EFCAB6: variants seen among roughly 807,000 people sequenced by gnomAD.
The protein encoded by EFCAB6 is EF-hand calcium binding domain 6.
EFCAB6 carries 156 observed loss-of-function variants against 169.8 expected under a neutral mutation model. The observed-to-expected ratio is 0.92, with a 90% CI of 0.81 to 1.05. The LOEUF (loss-of-function observed/expected upper bound fraction) is 1.05. Ranked by LOEUF, EFCAB6 falls within the 50% of genes least tolerant of loss-of-function variation. EFCAB6 has a pLI of 0.00. For missense variants in EFCAB6, 1,800 were observed against 1,829.1 expected (o/e 0.98, Z 0.29); for synonymous variants, 698 against 676.4 (o/e 1.03, Z -0.50).
chr22:43,768,666 T>C (rs2147947855), intron 4 of EFCAB6, among the ~76,000 whole-genome samples: 1 of 152,338 alleles, frequency 6.6e-6, no homozygotes, highest in East Asian at 1.9e-4. Context: ...TCAAGACCTG[T>C]TTTTTAAAAA....
At chr22:43,635,553 C>A (rs900941897) in intron 17 of EFCAB6, among the ~76,000 whole-genome samples, 1 of 152,154 alleles carries the variant, frequency 6.6e-6, no homozygotes, top group Non-Finnish European at 1.5e-5. Context: ...GAGTCTCATA[C>A]ATTAGGTTTA....
At position 43,755,626 on chromosome 22, in the gene EFCAB6, A is replaced by C. The variant is rs552753971; in HGVS notation, c.507+140T>G. 1.5e-4 allele frequency: 111 copies of C among 743,462 alleles called. 2 individuals carry two copies. In the South Asian group the frequency reaches 2.5e-3, roughly 17 times the overall value. 46.1% of individuals were successfully genotyped at this position (743,462 alleles called of 1,614,324 possible). A position where few individuals can be genotyped will look rare whatever the true frequency, so the allele number is the denominator to read the frequency against. Reference sequence around the variant, plus strand: ...GCTTTCGCACTGGCTTGTTATCAGAAGATCTATTTAGTCAGACAACTATGA... The same window carrying C: ...GCTTTCGCACTGGCTTGTTATCAGACGATCTATTTAGTCAGACAACTATGA... On this transcript the variant is annotated intron_variant, in intron 6 of 31. Coordinates refer to ENST00000262726, the MANE Select transcript of EFCAB6 (RefSeq NM_022785.4).
chr22:43,716,994 G>T, intron 8 of EFCAB6, 22 bp from the exon 9 acceptor site: 3 of 1,465,332 alleles, frequency 2.0e-6, no homozygotes, highest in South Asian at 1.6e-5. Context: ...AAATAGCTTC[G>T]GCTTATCAAC....
Position 43,731,814 on chromosome 22 carries a change from A to C in EFCAB6, c.645-3T>G. 1 of 1,551,832 alleles carries C rather than the reference A, an allele frequency of 6.4e-7. No individual in the cohort carries two copies. The highest frequency in any genetic ancestry group is 1.4e-5 in the African/African-American group (1 of 72,262). On this transcript the variant is annotated splice_polypyrimidine_tract_variant and splice_region_variant and intron_variant, in intron 7 of 31. Transcript: ENST00000262726. The stretch of plus-strand genomic sequence containing the variant: ...GGATGTTGTAGTGTTTCGAAAACCT[A>C]AAATACAAATGTTCTTTAGTAATGA...
chr22:43,670,901 T>C (rs1402702366), intron 15 of EFCAB6, among the ~76,000 whole-genome samples: 1 of 152,214 alleles, frequency 6.6e-6, no homozygotes, highest in African/African-American at 2.4e-5. Flanking sequence ...CAACAAACAC[T>C]GGCTGAGACC....
intron 26 of EFCAB6, among the ~76,000 whole-genome samples, chr22:43,556,662 C>T (rs1251636879): frequency 1.3e-5 from 2 of 152,168 alleles, no homozygotes; most frequent in Non-Finnish European, 2.9e-5. Flanking sequence ...GAGAAGTCTA[C>T]ATAATGTATA....
chr22:43,551,600 T>C (rs935345001), intron 27 of EFCAB6, among the ~76,000 whole-genome samples: 1 of 152,132 alleles, frequency 6.6e-6, no homozygotes, highest in African/African-American at 2.4e-5. Flanking sequence ...GCTGCACAGA[T>C]CATCCCATCA....
In EFCAB6 at chr22:43,626,460, G is replaced by A. The variant is rs200468761; in HGVS notation, c.2452C>T (p.Gln818Ter). Residue 818 changes from glutamine (Q) to a stop codon, truncating the protein, a stop_gained, in exon 20 of 32, where the codon CAA becomes TAA. Coordinates refer to ENST00000262726, the MANE Select transcript of EFCAB6 (RefSeq NM_022785.4). LOFTEE classifies it high-confidence loss of function. ...KRPWRTDEAP[Q>*]RLIRPKQKVA... ...CTGCCTTCTTACCTAATGAGTCTTT[G>A]AGGCGCTTCATCTGTTCTCCATGGT... The A allele has an allele frequency of 1.9e-6, 3 of 1,614,122 alleles. No individual in the cohort carries two copies. The highest frequency in any genetic ancestry group is 2.5e-6 in the Non-Finnish European group (3 of 1,180,026).
rs185615504 is a variant in EFCAB6, at chr22:43,768,239, C to G, written c.352-2846G>C. On this transcript the variant is annotated intron_variant, in intron 4 of 31. Coordinates refer to ENST00000262726, the MANE Select transcript of EFCAB6 (RefSeq NM_022785.4). ...GGTACGGAGCAGATTGCAAGAAAAA[C>G]CTCCTCATACTTCCTGCCCTGGTCA... 1.2e-4 allele frequency among the ~76,000 whole-genome samples: 18 copies of G among 152,298 alleles called. 1 individual carries two copies. The East Asian group carries it at 2.1e-3, about 18-fold the overall frequency.
At chr22:43,810,630 T>C (rs374548694) in intron 1 of EFCAB6, among the ~76,000 whole-genome samples, 11 of 152,154 alleles carry the variant, frequency 7.2e-5, no homozygotes, top group Non-Finnish European at 1.0e-4. Context: ...ATGGGTGCTA[T>C]AGAGATCTCT....
intron 2 of EFCAB6, among the ~76,000 whole-genome samples, chr22:43,784,796 A>G (rs1041126128): frequency 6.7e-6 from 1 of 149,536 alleles, no homozygotes; most frequent in Admixed American, 6.7e-5. Flanking sequence ...AGAATCACTG[A>G]GCCCTGGCAT....
At chr22:43,555,729 C>T (rs906537117) in intron 26 of EFCAB6, among the ~76,000 whole-genome samples, 1 of 152,198 alleles carries the variant, frequency 6.6e-6, no homozygotes, top group African/African-American at 2.4e-5. Context: ...TGCTCTGCCC[C>T]ACTCCTTGGG....
At chr22:43,660,237 T>G (rs2056938178) in intron 17 of EFCAB6, among the ~76,000 whole-genome samples, 1 of 152,214 alleles carries the variant, frequency 6.6e-6, no homozygotes, top group Non-Finnish European at 1.5e-5. Flanking sequence ...TGTCGTTGGG[T>G]ATTTTGTCAT....
At chr22:43,624,351 GT>G (rs1246879622) in intron 20 of EFCAB6, among the ~76,000 whole-genome samples, 1 of 152,150 alleles carries the variant, frequency 6.6e-6, no homozygotes, top group African/African-American at 2.4e-5. Flanking sequence ...CTAAAGCACA[GT>G]GTAACTCCCT....
At chr22:43,630,165 A>G (rs1569279754) in intron 19 of EFCAB6, among the ~76,000 whole-genome samples, 1 of 152,134 alleles carries the variant, frequency 6.6e-6, no homozygotes, top group Non-Finnish European at 1.5e-5. Flanking sequence ...TGACTGTACC[A>G]TCCCATTAAA....
rs534614727 is a variant in EFCAB6 at position 43,587,943 on chromosome 22, T to A, written c.3032+2131A>T. ...AACATACCAAATCTACAGGGATACA[T>A]AGTTGAATTAGAATTTCAGATAAAC... On this transcript the variant is annotated intron_variant, in intron 24 of 31. Coordinates refer to ENST00000262726, the MANE Select transcript of EFCAB6 (RefSeq NM_022785.4). 2.4e-4 allele frequency among the ~76,000 whole-genome samples: 36 copies of A among 152,358 alleles called. No individual in the cohort carries two copies. The South Asian group carries it at 7.0e-3, about 30-fold the overall frequency.
chr22:43,775,202 C>T (rs758791632), intron 3 of EFCAB6, among the ~76,000 whole-genome samples: 10 of 152,112 alleles, frequency 6.6e-5, no homozygotes, highest in Admixed American at 6.5e-4. Context: ...TGGGCAGGGG[C>T]AGCACCCTTC....
Position 43,724,122 on chromosome 22 carries a change from G to T in EFCAB6, c.758-7150C>A, listed in dbSNP as rs902600611. Among the ~76,000 whole-genome samples, 46 of 152,144 alleles carry T rather than the reference G, an allele frequency of 3.0e-4. 1 individual carries two copies. The highest frequency in any genetic ancestry group is 1.1e-3 in the African/African-American group (45 of 41,512). On this transcript the variant is annotated intron_variant, in intron 8 of 31. Coordinates refer to ENST00000262726, the MANE Select transcript of EFCAB6 (RefSeq NM_022785.4). ...TTGCTTCCAAATCTCACTGCAAGTG[G>T]CCAAAAGTAACCATGCAGCACCTTG...
intron 6 of EFCAB6, among the ~76,000 whole-genome samples, chr22:43,739,301 C>T (rs1340915138): frequency 5.9e-5 from 9 of 152,194 alleles, no homozygotes; most frequent in Non-Finnish European, 5.9e-5. Context: ...TTCCTTGAGG[C>T]ACTTTTGCTA....
Sources: gnomAD v4.1 joint callset for allele counts (sites outside exome capture counted in the v4.1 genomes callset) on GRCh38, gnomAD v4.1.1 for gene constraint, MANE v1.5 for transcripts, NCBI Gene and HGNC (gene_info 2026-07-23, HGNC 2026-07-21) for gene names.